The following TOP3A variants were observed in gnomAD, a reference collection of about 807,000 sequenced individuals.
TOP3A encodes DNA topoisomerase III alpha.
A neutral mutation model predicts 111.3 loss-of-function variants in TOP3A; 64 were observed. The ratio of observed to expected loss-of-function variants is 0.57; its 90% confidence interval spans 0.47 to 0.71. TOP3A has a LOEUF of 0.71. TOP3A is among the 30% of genes least tolerant of loss of function. TOP3A has a pLI of 0.00. For synonymous variants in TOP3A, 484 were observed against 485.1 expected, an observed-to-expected ratio of 1.00 and a Z score of 0.03; for missense variants, 1,104 against 1,285.0, an observed-to-expected ratio of 0.86 and a Z score of 2.15.
intron 9 of TOP3A, among the ~76,000 whole-genome samples, chr17:18,295,836 G>A (rs8081343): frequency 0.23 from 33,735 of 148,664 alleles, 3,996 homozygotes; most frequent in East Asian, 0.31. Context: ...GCGTGATCTC[G>A]GCTCACTGTA....
In TOP3A at chr17:18,292,626, T is replaced by G; in HGVS notation, c.1281+19A>C. 1 of 1,533,992 alleles carries G rather than the reference T, an allele frequency of 6.5e-7. No homozygotes were observed. Among genetic ancestry groups the G allele is most frequent in the Non-Finnish European group, 8.8e-7 (1 of 1,136,338 alleles). On this transcript the variant is annotated intron_variant, in intron 11 of 18. Transcript: ENST00000321105. ...CTTCCCTATGGGTTCCAGCAGGCAG[T>G]ACATTCAGGGAAACCAACCTGTAAG... is the stretch of plus-strand genomic sequence containing the variant.
rs767999305 is a variant in TOP3A at position 18,292,804 on chromosome 17, TAA to T, written c.1120_1121del (p.Leu374LysfsTer37). On this transcript the variant is annotated frameshift_variant, in exon 11 of 19. Transcript: ENST00000321105. LOFTEE classifies it high-confidence loss of function. ...RTETNIFPRD[L>X]NLTVLVEQQT... ...GCTGTTCCACCAACACCGTCAGGTTTAAGTCTCTGGGAAAAATGTTTGTTTCT... is the reference window on the plus strand; with the variant it reads ...GCTGTTCCACCAACACCGTCAGGTTTGTCTCTGGGAAAAATGTTTGTTTCT... 5.6e-5 allele frequency: 90 copies of T among 1,613,886 alleles called. No homozygotes were observed. Among genetic ancestry groups the T allele is most frequent in the Non-Finnish European group, 6.9e-5 (82 of 1,179,966 alleles).
At chr17:18,301,825 G>T in intron 8 of TOP3A, 60 bp downstream of exon 8, 1 of 1,389,194 alleles carries the variant, frequency 7.2e-7, no homozygotes, top group South Asian at 1.2e-5. Flanking sequence ...CACCTCTGCC[G>T]ACAGTGGGAG....
intron 3 of TOP3A, chr17:18,307,545 T>C: frequency 6.6e-6 from 1 of 150,448 alleles, no homozygotes; most frequent in Non-Finnish European, 1.5e-5. Context: ...TTACAATGAG[T>C]CAAGATTGTG....
intron 7 of TOP3A, 23 bp from the exon 8 acceptor site, chr17:18,302,008 G>C: frequency 6.3e-7 from 1 of 1,597,454 alleles, no homozygotes; most frequent in Non-Finnish European, 8.6e-7. Context: ...GAGACAAACA[G>C]AAAGGCTGTG....
chr17:18,298,043 G>A (rs1427785967), intron 9 of TOP3A, among the ~76,000 whole-genome samples: 2 of 145,286 alleles, frequency 1.4e-5, no homozygotes, highest in South Asian at 4.4e-4. Flanking sequence ...GCCGCCCATC[G>A]TCTGAGATGT....
intron 14 of TOP3A, 44 bp downstream of exon 14, chr17:18,285,363 G>A (rs777242844): frequency 6.2e-7 from 1 of 1,613,120 alleles, no homozygotes; most frequent in Non-Finnish European, 8.5e-7. Flanking sequence ...CAGGGACTTG[G>A]GCGACACCAC....
intron 5 of TOP3A, 158 bp from the exon 6 acceptor site, chr17:18,302,881 G>A (rs562040649): frequency 1.3e-6 from 1 of 780,180 alleles, no homozygotes; most frequent in Admixed American, 3.0e-5. Context: ...ATGGTGTACA[G>A]TGTCTAAAGA....
At position 18,294,802 on chromosome 17, in the gene TOP3A, C is replaced by G; in HGVS notation, c.991-17G>C. On this transcript the variant is annotated splice_polypyrimidine_tract_variant and intron_variant, in intron 9 of 18. Coordinates refer to ENST00000321105, the MANE Select transcript of TOP3A (RefSeq NM_004618.5). ...CTCAAGCTCCTGTGAAATGGGTCAA[C>G]AGGCATGTTAGGTGTACTGCATGGG... 7 of 1,591,378 alleles carry G rather than the reference C, an allele frequency of 4.4e-6. No individual in the cohort carries two copies. Among genetic ancestry groups the G allele is most frequent in the Non-Finnish European group, 6.0e-6 (7 of 1,159,416 alleles).
At chr17:18,280,773 A>G (rs1326873663) in intron 16 of TOP3A, 115 bp from the exon 17 acceptor site, 8 of 1,217,412 alleles carry the variant, frequency 6.6e-6, no homozygotes, top group Non-Finnish European at 9.3e-6. Flanking sequence ...CCTTTTCTGG[A>G]TGACACTTAA....
intron 13 of TOP3A, 36 bp from the exon 14 acceptor site, chr17:18,285,556 A>G (rs1980042970): frequency 1.3e-6 from 2 of 1,591,756 alleles, no homozygotes; most frequent in Non-Finnish European, 1.7e-6. Flanking sequence ...GAGGTAATAC[A>G]GACAACAGCT....
In TOP3A at chr17:18,294,768, A is replaced by G. The variant is rs149207949; in HGVS notation, c.1008T>C (p.Ala336=). ...TAGCATTTATTCTCAACTTTCGAGAAGCCAGCTTCTCAAGCTCCTGTGAAA... is the reference window on the plus strand; with the variant it reads ...TAGCATTTATTCTCAACTTTCGAGAGGCCAGCTTCTCAAGCTCCTGTGAAA... ...ALDTVELEKL[A]SRKLRINAKE... The change falls in exon 10 of 19, where the codon GCT becomes GCC. Residue 336 remains alanine, a synonymous_variant. Transcript: ENST00000321105. 1,044 of 1,613,904 alleles carry G rather than the reference A, an allele frequency of 6.5e-4. 1 individual carries two copies. Among genetic ancestry groups the G allele is most frequent in the Non-Finnish European group, 8.4e-4 (997 of 1,179,888 alleles).
chr17:18,298,054 G>T (rs1980951309), intron 9 of TOP3A, among the ~76,000 whole-genome samples: 1 of 151,476 alleles, frequency 6.6e-6, no homozygotes, highest in Admixed American at 6.6e-5. Context: ...TCTGAGATGT[G>T]GGGAGCACCT....
chr17:18,288,151 A>AAT (rs1567739486), intron 13 of TOP3A, among the ~76,000 whole-genome samples: 108 of 126,604 alleles, frequency 8.5e-4, no homozygotes, highest in East Asian at 6.1e-3. Flanking sequence ...ATATATATAA[A>AAT]TTTTTTTTTT....
chr17:18,312,766 A>C (rs1355682786), intron 1 of TOP3A: 1 of 204,440 alleles, frequency 4.9e-6, no homozygotes, highest in Non-Finnish European at 1.1e-5. Context: ...CAAAATGACG[A>C]ACACAAAGGA....
intron 13 of TOP3A, among the ~76,000 whole-genome samples, chr17:18,287,409 C>T (rs769634994): frequency 6.6e-6 from 1 of 152,020 alleles, no homozygotes; most frequent in Non-Finnish European, 1.5e-5. Context: ...ACCTGTAGTC[C>T]CAGCTACTCA....
At chr17:18,308,992 T>C (rs1981752876) in intron 1 of TOP3A, 51 bp from the exon 2 acceptor site, 2 of 1,008,390 alleles carry the variant, frequency 2.0e-6, no homozygotes, top group South Asian at 1.8e-5. Flanking sequence ...AAACAATGGA[T>C]TCCTTTGTAT....
At position 18,278,104 on chromosome 17, in the gene TOP3A, G is replaced by A. The variant is rs762472461; in HGVS notation, c.2398C>T (p.Pro800Ser). 2.5e-6 allele frequency: 4 copies of A among 1,614,234 alleles called. No homozygotes were observed. In the Admixed American group the frequency reaches 6.7e-5, roughly 27 times the overall value. Reference protein sequence around the residue: ...GSSKALAQTLPPPTAAGESNS... With the variant: ...GSSKALAQTLSPPTAAGESNS... The stretch of plus-strand genomic sequence containing the variant: ...CTTTCACCAGCAGCCGTGGGTGGTG[G>A]GAGGGTCTGGGCCAGAGCCTTTGAG... Residue 800 changes from proline to serine, a missense_variant, in exon 18 of 19, where the codon CCA becomes TCA. Physicochemically the swap from Pro to Ser is moderately conservative, Grantham distance 74. Coordinates refer to ENST00000321105, the MANE Select transcript of TOP3A (RefSeq NM_004618.5).
At chr17:18,307,828 T>A (rs1227484244) in intron 3 of TOP3A, among the ~76,000 whole-genome samples, 1 of 148,984 alleles carries the variant, frequency 6.7e-6, no homozygotes, top group Non-Finnish European at 1.5e-5. Context: ...GAGAATCGCT[T>A]GAACCCAGGA....
Sources: allele counts gnomAD v4.1 joint callset (sites outside exome capture counted in the v4.1 genomes callset), GRCh38; gene constraint gnomAD v4.1.1; transcripts MANE v1.5; gene names NCBI Gene and HGNC (gene_info 2026-07-23, HGNC 2026-07-21).